Variants in NKAIN2 observed in about 807,000 individuals in gnomAD.
The protein encoded by NKAIN2 is sodium/potassium transporting ATPase interacting 2.
Under a neutral mutation model 32.6 loss-of-function variants are expected in NKAIN2, and 14 were observed. The observed-to-expected ratio is 0.43, with a 90% CI of 0.28 to 0.67. The LOEUF is 0.67. Among genes scored for constraint, NKAIN2 ranks in the 30% least tolerant of loss-of-function variants. The probability of loss-of-function intolerance (pLI) is 0.17; values close to 1 mark genes in which losing one functional copy is unlikely to be tolerated. For missense variants in NKAIN2, 198 were observed against 258.3 expected (o/e 0.77, Z 1.60); for synonymous variants, 80 against 87.2 (o/e 0.92, Z 0.46).
At chr6:124,424,716 C>A (rs911987565) in intron 3 of NKAIN2, among the ~76,000 whole-genome samples, 1 of 152,084 alleles carries the variant, frequency 6.6e-6, no homozygotes, top group Non-Finnish European at 1.5e-5. Flanking sequence ...AATGACCCCC[C>A]CACCAGGTTT....
At chr6:124,046,200 A>T (rs1582527793) in intron 1 of NKAIN2, among the ~76,000 whole-genome samples, 1 of 151,988 alleles carries the variant, frequency 6.6e-6, no homozygotes, top group East Asian at 1.9e-4. Context: ...CTTTTTACAT[A>T]TATATGCAGT....
chr6:124,194,578 T>G (rs939266001), intron 1 of NKAIN2, among the ~76,000 whole-genome samples: 13 of 152,170 alleles, frequency 8.5e-5, no homozygotes, highest in African/African-American at 2.9e-4. Context: ...ACTTTCTGTC[T>G]TCTTTGGGGT....
At chr6:124,137,447 C>G (rs1470892242) in intron 1 of NKAIN2, among the ~76,000 whole-genome samples, 2 of 151,978 alleles carry the variant, frequency 1.3e-5, no homozygotes, top group Non-Finnish European at 2.9e-5. Context: ...AAGCATTCTA[C>G]AAATTCAGTA....
intron 3 of NKAIN2, among the ~76,000 whole-genome samples, chr6:124,380,476 AGTGTGCCATC>A (rs1772583198): frequency 1.3e-5 from 2 of 152,192 alleles, no homozygotes; most frequent in South Asian, 4.1e-4. Flanking sequence ...TTAAGAATTG[AGTGTGCCATC>A]CAGGATCTGT....
intron 1 of NKAIN2, among the ~76,000 whole-genome samples, chr6:124,078,618 C>T (rs1160162185): frequency 6.6e-6 from 1 of 152,138 alleles, no homozygotes; most frequent in Admixed American, 6.6e-5. Flanking sequence ...CATCAAATAG[C>T]AAATTGAAGA....
intron 5 of NKAIN2, among the ~76,000 whole-genome samples, chr6:124,815,904 A>G (rs1265703997): frequency 6.6e-6 from 1 of 152,132 alleles, no homozygotes; most frequent in African/African-American, 2.4e-5. Flanking sequence ...TTTTATCCTC[A>G]TACCAATTAT....
chr6:124,129,174 G>T lies in NKAIN2; in HGVS notation c.55-153831G>T, dbSNP rs151094594. Among the ~76,000 whole-genome samples, 249 of 152,178 alleles carry T rather than the reference G, an allele frequency of 1.6e-3. 1 individual carries two copies. The highest frequency in any genetic ancestry group is 5.8e-3 in the African/African-American group (239 of 41,508). On this transcript the variant is annotated intron_variant, in intron 1 of 6. Transcript: ENST00000368417. The stretch of plus-strand genomic sequence containing the variant: ...AAGACATAACTTTTCATCATTATTT[G>T]TGTTTTTGTATGTTGTAGAAATATT...
At chr6:124,066,948 A>G (rs947427978) in intron 1 of NKAIN2, among the ~76,000 whole-genome samples, 3 of 151,990 alleles carry the variant, frequency 2.0e-5, no homozygotes, top group African/African-American at 7.2e-5. Context: ...TCTTAAATGC[A>G]GTATGTTTTT....
intron 2 of NKAIN2, among the ~76,000 whole-genome samples, chr6:124,290,366 C>A (rs1795745336): frequency 1.4e-5 from 2 of 144,954 alleles, no homozygotes; most frequent in South Asian, 2.1e-4. Flanking sequence ...GTATTAGTTT[C>A]TTTTTCTAAA....
intron 1 of NKAIN2, among the ~76,000 whole-genome samples, chr6:123,970,730 A>G (rs1194777461): frequency 3.3e-5 from 5 of 151,986 alleles, no homozygotes; most frequent in African/African-American, 1.2e-4. Context: ...AAAATACAAA[A>G]AATTAGCCAG....
intron 1 of NKAIN2, among the ~76,000 whole-genome samples, chr6:123,827,800 A>G (rs1474520199): frequency 6.6e-6 from 1 of 150,720 alleles, no homozygotes; most frequent in Non-Finnish European, 1.5e-5. Context: ...AAGAGGAAAC[A>G]TAAATAGCAT....
intron 1 of NKAIN2, among the ~76,000 whole-genome samples, chr6:123,902,698 A>G (rs1774663571): frequency 6.6e-6 from 1 of 152,194 alleles, no homozygotes; most frequent in African/African-American, 2.4e-5. Context: ...TTAAAGAAGC[A>G]TCGATTTATT....
At chr6:124,641,488 C>T (rs1003213881) in intron 3 of NKAIN2, among the ~76,000 whole-genome samples, 1 of 138,794 alleles carries the variant, frequency 7.2e-6, no homozygotes, top group African/African-American at 2.7e-5. Context: ...GTGAATCTTT[C>T]CACATAATCA....
chr6:124,536,021 A>G (rs923960036), intron 3 of NKAIN2, among the ~76,000 whole-genome samples: 3 of 152,208 alleles, frequency 2.0e-5, no homozygotes, highest in Non-Finnish European at 2.9e-5. Context: ...GTCAGAGAGC[A>G]GGCCTGCGGA....
At chr6:124,487,402 A>G (rs896057850) in intron 3 of NKAIN2, among the ~76,000 whole-genome samples, 2 of 152,180 alleles carry the variant, frequency 1.3e-5, no homozygotes, top group Non-Finnish European at 2.9e-5. Context: ...GAACTGTTCA[A>G]ATATTACCAT....
intron 1 of NKAIN2, among the ~76,000 whole-genome samples, chr6:124,264,273 C>T (rs1794382227): frequency 6.6e-6 from 1 of 152,124 alleles, no homozygotes; most frequent in Non-Finnish European, 1.5e-5. Context: ...TTCTAGTACG[C>T]AGATGCCTCA....
intron 1 of NKAIN2, among the ~76,000 whole-genome samples, chr6:123,957,054 C>T (rs1777625009): frequency 6.6e-6 from 1 of 152,060 alleles, no homozygotes; most frequent in South Asian, 2.1e-4. Context: ...AGTTATTTCT[C>T]CCGATCTTCT....
At chr6:124,386,124 G>T (rs1289407418) in intron 3 of NKAIN2, among the ~76,000 whole-genome samples, 2 of 152,088 alleles carry the variant, frequency 1.3e-5, no homozygotes, top group African/African-American at 4.8e-5. Flanking sequence ...GCCAAGTCGG[G>T]ACTGTAAGAT....
rs2114931560 is a variant in NKAIN2, at chr6:124,092,863, C to A, written c.55-190142C>A. ...TCTCAGTAGATATAAAACTATTAAC[C>A]ATTTCCAAATCATCAACCTCTATTG... On this transcript the variant is annotated intron_variant, in intron 1 of 6. Coordinates refer to ENST00000368417, the MANE Select transcript of NKAIN2 (RefSeq NM_001040214.3). Among the ~76,000 whole-genome samples the A allele has an allele frequency of 2.0e-5, 3 of 152,062 alleles. No individual in the cohort carries two copies. In the South Asian group the frequency reaches 6.2e-4, roughly 32 times the overall value.
Sources: allele counts gnomAD v4.1 joint callset (sites outside exome capture counted in the v4.1 genomes callset), GRCh38; gene constraint gnomAD v4.1.1; transcripts MANE v1.5; gene names NCBI Gene and HGNC (gene_info 2026-07-23, HGNC 2026-07-21).